Variants in SYT7 observed in about 807,000 individuals in gnomAD.
The protein encoded by SYT7 is synaptotagmin 7.
In SYT7, 29 loss-of-function variants were observed where a neutral mutation model predicts 75.1. The observed-to-expected ratio is 0.39, with a 90% CI of 0.29 to 0.53. The LOEUF (loss-of-function observed/expected upper bound fraction) is 0.53, where lower values mean the gene tolerates loss of function less well. SYT7 is among the 20% of genes least tolerant of loss of function. The pLI is 0.77. For missense variants in SYT7, 693 were observed against 953.2 expected, an observed-to-expected ratio of 0.73 and a Z score of 3.59; for synonymous variants, 376 against 401.7, an observed-to-expected ratio of 0.94 and a Z score of 0.76.
At chr11:61,545,841 A>ACTGTATGG (rs748315179) in intron 5 of SYT7, among the ~76,000 whole-genome samples, 190 bp downstream of exon 5, 74 of 152,314 alleles carry the variant, frequency 4.9e-4, no homozygotes, top group Non-Finnish European at 6.8e-4. Context: ...GAAATGCATC[A>ACTGTATGG]CTGTATGGCT....
In SYT7 at chr11:61,515,165, A is replaced by G. The variant is rs981649739; in HGVS notation, c.*3462T>C. 4.6e-5 allele frequency: 7 copies of G among 152,280 alleles called. No individual in the cohort carries two copies. Among genetic ancestry groups the G allele is most frequent in the Non-Finnish European group, 8.8e-5 (6 of 68,092 alleles). The allele number at this position is 152,280 out of a possible 1,614,324, so 9.4% of individuals were successfully genotyped here. ...TCTGAGGATGGCTGGACACTCGGGA[A>G]GGGCCTGGTCACCAGTGAAGTCAAA... On this transcript the variant is annotated 3_prime_UTR_variant, in exon 13 of 13. Transcript: ENST00000539008.
At chr11:61,556,267 C>T in intron 1 of SYT7, 60 bp from the exon 2 acceptor site, 1 of 1,435,164 alleles carries the variant, frequency 7.0e-7, no homozygotes. Context: ...CCTCCCTCAG[C>T]CCAGAGCCCT....
chr11:61,547,545 C>T lies in SYT7; in HGVS notation c.216-237G>A, dbSNP rs1179094746. 1.4e-4 allele frequency among the ~76,000 whole-genome samples: 22 copies of T among 152,066 alleles called. 1 individual carries two copies. Among genetic ancestry groups the T allele is most frequent in the Non-Finnish European group, 1.9e-4 (13 of 68,020 alleles). ...GCAAACATACCAATGCACACACGCA[C>T]GCACTCGAGGGCCGGGAAGCCACAC... is the stretch of plus-strand genomic sequence containing the variant. On this transcript the variant is annotated intron_variant, in intron 3 of 12. Coordinates refer to ENST00000539008, the MANE Select transcript of SYT7 (RefSeq NM_001365809.2).
chr11:61,577,852 C>G (rs1472560503), intron 1 of SYT7, among the ~76,000 whole-genome samples: 1 of 152,206 alleles, frequency 6.6e-6, no homozygotes, highest in African/African-American at 2.4e-5. Context: ...CTTACCAGCT[C>G]ACTGCAAGGT....
upstream of SYT7, among the ~76,000 whole-genome samples, chr11:61,581,490 C>A (rs919191762): frequency 2.6e-5 from 4 of 152,232 alleles, no homozygotes; most frequent in African/African-American, 9.6e-5. Flanking sequence ...CGTGGAGATC[C>A]ACTCCGGGTT....
At chr11:61,584,331 G>A (rs1474375642), upstream of SYT7, among the ~76,000 whole-genome samples, 7 of 148,614 alleles carry the variant, frequency 4.7e-5, no homozygotes, top group Admixed American at 2.0e-4. Context: ...GGAGGTGGAG[G>A]TTGCAGTGAG....
At chr11:61,559,675 C>T (rs1374310047) in intron 1 of SYT7, among the ~76,000 whole-genome samples, 1 of 152,100 alleles carries the variant, frequency 6.6e-6, no homozygotes, top group Non-Finnish European at 1.5e-5. Context: ...GGGAATTCTC[C>T]AAAAGGTCAC....
At chr11:61,534,695 A>G (rs1337744665) in intron 7 of SYT7, among the ~76,000 whole-genome samples, 1 of 152,198 alleles carries the variant, frequency 6.6e-6, no homozygotes, top group African/African-American at 2.4e-5. Flanking sequence ...AGGGCCCAAC[A>G]TCCTGATTAT....
chr11:61,579,983 C>G (rs1233731810), intron 1 of SYT7, among the ~76,000 whole-genome samples: 1 of 152,158 alleles, frequency 6.6e-6, no homozygotes, highest in Non-Finnish European at 1.5e-5. Flanking sequence ...AATGGCAGAG[C>G]AATTTCCGAG....
intron 1 of SYT7, among the ~76,000 whole-genome samples, chr11:61,568,568 C>T (rs2063836767): frequency 6.6e-6 from 1 of 152,224 alleles, no homozygotes; most frequent in South Asian, 2.1e-4. Context: ...GAGGTGACCG[C>T]TCAGGCTGGT....
intron 8 of SYT7, among the ~76,000 whole-genome samples, chr11:61,530,643 G>A (rs930400230): frequency 1.3e-5 from 2 of 152,164 alleles, no homozygotes; most frequent in African/African-American, 4.8e-5. Flanking sequence ...CTGAAGTTGG[G>A]GTGGAGTTGC....
In SYT7 at chr11:61,534,743, G is replaced by A. The variant is rs544597343; in HGVS notation, c.1065-1619C>T. 8.5e-5 allele frequency among the ~76,000 whole-genome samples: 13 copies of A among 152,244 alleles called. No homozygotes were observed. The South Asian group carries it at 2.7e-3, about 32-fold the overall frequency. ...ACACCTGCTGTGACAACCTGGCCCT[G>A]CCTCTACAACACGGAAACGCCCACT... On this transcript the variant is annotated intron_variant, in intron 7 of 12. Coordinates refer to ENST00000539008, the MANE Select transcript of SYT7 (RefSeq NM_001365809.2).
At chr11:61,581,673 A>G (rs1368058670), upstream of SYT7, among the ~76,000 whole-genome samples, 2 of 152,208 alleles carry the variant, frequency 1.3e-5, no homozygotes, top group African/African-American at 4.8e-5. Flanking sequence ...CGAAAGGGCT[A>G]AGATCCCTGC....
chr11:61,549,776 C>T (rs562621881), intron 3 of SYT7, among the ~76,000 whole-genome samples: 4 of 152,322 alleles, frequency 2.6e-5, no homozygotes, highest in African/African-American at 7.2e-5. Flanking sequence ...GCTGGACGGC[C>T]GCTGCTGCCT....
At chr11:61,566,691 A>AC (rs2063778133) in intron 1 of SYT7, among the ~76,000 whole-genome samples, 1 of 152,138 alleles carries the variant, frequency 6.6e-6, no homozygotes, top group Admixed American at 6.5e-5. Context: ...AGGATCAGGG[A>AC]CGTGTGATGA....
chr11:61,521,430 C>T (rs1376563584), intron 12 of SYT7, among the ~76,000 whole-genome samples: 4 of 152,124 alleles, frequency 2.6e-5, no homozygotes, highest in African/African-American at 7.2e-5. Flanking sequence ...GCTGGTCAAA[C>T]GGGGTGCTTG....
At chr11:61,584,009 C>T (rs1403406825), upstream of SYT7, among the ~76,000 whole-genome samples, 1 of 152,192 alleles carries the variant, frequency 6.6e-6, no homozygotes, top group East Asian at 1.9e-4. Flanking sequence ...GCCTCAGTTT[C>T]CTTGTCTCTA....
At chr11:61,561,082 C>T (rs1192951901) in intron 1 of SYT7, among the ~76,000 whole-genome samples, 1 of 152,196 alleles carries the variant, frequency 6.6e-6, no homozygotes, top group Non-Finnish European at 1.5e-5. Context: ...CCCTCTAACC[C>T]CTCCTCAGAT....
chr11:61,569,818 C>T (rs2063872246), intron 1 of SYT7, among the ~76,000 whole-genome samples: 1 of 152,138 alleles, frequency 6.6e-6, no homozygotes, highest in South Asian at 2.1e-4. Context: ...CCCAGAGCCC[C>T]AAGAAGGGCT....
Sources: allele counts gnomAD v4.1 joint callset (sites outside exome capture counted in the v4.1 genomes callset), GRCh38; gene constraint gnomAD v4.1.1; transcripts MANE v1.5; gene names NCBI Gene and HGNC (gene_info 2026-07-23, HGNC 2026-07-21).